HSD17B11: variants seen among roughly 807,000 people sequenced by gnomAD.
The protein encoded by HSD17B11 is hydroxysteroid 17-beta dehydrogenase 11.
A neutral mutation model predicts 27.8 loss-of-function variants in HSD17B11; 22 were observed. The observed-to-expected ratio is 0.79, with a 90% CI of 0.56 to 1.13. The LOEUF (loss-of-function observed/expected upper bound fraction) is 1.13. Ranked by LOEUF, HSD17B11 falls within the 50% of genes most tolerant of loss-of-function variation. The probability of loss-of-function intolerance (pLI) is 0.00; values close to 1 mark genes in which losing one functional copy is unlikely to be tolerated. For missense variants in HSD17B11, 314 were observed against 351.1 expected, an observed-to-expected ratio of 0.89 and a Z score of 0.84; for synonymous variants, 117 against 132.8, an observed-to-expected ratio of 0.88 and a Z score of 0.82.
intron 6 of HSD17B11, among the ~76,000 whole-genome samples, chr4:87,338,061 C>G (rs7660178): frequency 0.06 from 9,121 of 152,182 alleles, 878 homozygotes; most frequent in African/African-American, 0.21. Context: ...ACTAAAAATA[C>G]AAAAAATTAG....
At chr4:87,362,481 G>A (rs1336930668) in intron 4 of HSD17B11, among the ~76,000 whole-genome samples, 1 of 152,202 alleles carries the variant, frequency 6.6e-6, no homozygotes, top group Non-Finnish European at 1.5e-5. Context: ...AGCCGAGATT[G>A]TGCTGCTGCA....
intron 5 of HSD17B11, among the ~76,000 whole-genome samples, chr4:87,355,652 C>G (rs1441475645): frequency 6.6e-6 from 1 of 152,192 alleles, no homozygotes; most frequent in East Asian, 1.9e-4. Flanking sequence ...GCCTGTAATC[C>G]CAGCACTTTG....
chr4:87,337,920 T>C (rs1057314572), intron 6 of HSD17B11, among the ~76,000 whole-genome samples: 2 of 152,174 alleles, frequency 1.3e-5, no homozygotes, highest in Non-Finnish European at 2.9e-5. Flanking sequence ...TGTTACTATA[T>C]TAAATAAAAT....
chr4:87,379,315 A>C lies in HSD17B11; in HGVS notation c.318+2940T>G, dbSNP rs1378965001. Among the ~76,000 whole-genome samples, 4 of 151,174 alleles carry C rather than the reference A, an allele frequency of 2.6e-5. 1 individual carries two copies. In the East Asian group the frequency reaches 7.8e-4, roughly 30 times the overall value. On this transcript the variant is annotated intron_variant, in intron 2 of 6. Transcript: ENST00000358290. Reference sequence around the variant, plus strand: ...TCCAGCAGATATATTTCTATAAAGCATTATTTGCCTCTTCTAGATACAATT... The same window carrying C: ...TCCAGCAGATATATTTCTATAAAGCCTTATTTGCCTCTTCTAGATACAATT...
chr4:87,372,576 G>T, intron 4 of HSD17B11, 133 bp downstream of exon 4: 1 of 598,276 alleles, frequency 1.7e-6, no homozygotes. Context: ...CTTATTTTTT[G>T]ACAACTCTCA....
intron 2 of HSD17B11, among the ~76,000 whole-genome samples, chr4:87,376,536 CAAAA>C (rs1264740388): frequency 4.9e-5 from 6 of 121,312 alleles, no homozygotes; most frequent in African/African-American, 1.9e-4. Context: ...AAAAAACAAA[CAAAA>C]AACCCCCAAA....
intron 1 of HSD17B11, 80 bp downstream of exon 1, chr4:87,390,781 T>TA (rs1181800636): frequency 1.1e-5 from 14 of 1,250,652 alleles, no homozygotes; most frequent in Non-Finnish European, 1.5e-5. Flanking sequence ...AGAGATGAGG[T>TA]AAAGGGTGGT....
chr4:87,352,877 C>G (rs567357890), intron 5 of HSD17B11, among the ~76,000 whole-genome samples: 26 of 63,954 alleles, frequency 4.1e-4, no homozygotes, highest in South Asian at 1.5e-3. Flanking sequence ...GGGAGTGACC[C>G]GATTTTCCAG....
chr4:87,353,947 C>A (rs72875519), intron 5 of HSD17B11, among the ~76,000 whole-genome samples: 1 of 152,008 alleles, frequency 6.6e-6, no homozygotes, highest in African/African-American at 2.4e-5. Flanking sequence ...TCCTCAGATC[C>A]ATTTCCCAAC....
intron 4 of HSD17B11, among the ~76,000 whole-genome samples, chr4:87,363,240 G>A (rs1182445983): frequency 1.3e-5 from 2 of 152,110 alleles, no homozygotes; most frequent in African/African-American, 4.8e-5. Flanking sequence ...CCAGCAAAAG[G>A]CTAAGAATTT....
chr4:87,378,611 A>G (rs1283099180), intron 2 of HSD17B11, among the ~76,000 whole-genome samples: 1 of 150,560 alleles, frequency 6.6e-6, no homozygotes, highest in Non-Finnish European at 1.5e-5. Flanking sequence ...CAGTGCAACC[A>G]GAGTAGCCTA....
intron 5 of HSD17B11, among the ~76,000 whole-genome samples, chr4:87,343,506 C>CCACTTAAG (rs1429366242): frequency 4.0e-5 from 6 of 151,366 alleles, no homozygotes; most frequent in Non-Finnish European, 7.4e-5. Context: ...CCTACTTTAA[C>CCACTTAAG]CACTTAAGTA....
chr4:87,372,684 A>G (rs1478318958), intron 4 of HSD17B11, 25 bp downstream of exon 4: 1 of 1,394,878 alleles, frequency 7.2e-7, no homozygotes, highest in Admixed American at 1.7e-5. Flanking sequence ...ATAAGAACCA[A>G]TGAAGGAAAC....
rs1401496471 is a variant in HSD17B11, at chr4:87,390,906, T to C, written c.165A>G (p.Glu55=). 6.2e-7 allele frequency: 1 copy of C among 1,614,024 alleles called. No homozygotes were observed. Among genetic ancestry groups the C allele is most frequent in the Non-Finnish European group, 8.5e-7 (1 of 1,180,016 alleles). ...GHGIGRLTAY[E]FAKLKSKLVL... ...CCAGCTTGCTTTTAAGTTTAGCAAA[T>C]TCATAGGCAGTCAGTCTCCCAATTC... Residue 55 remains glutamate (E), a synonymous_variant, in exon 1 of 7, where the codon GAA becomes GAG. Transcript: ENST00000358290.
Position 87,337,289 on chromosome 4 carries a change from A to T in HSD17B11, c.890T>A (p.Met297Lys). The part of the protein sequence containing the change: ...VKFDAVIGYK[M>K]KAQ ...AAAACTAGGTGCTTATTGCGCTTTCATTTTATATCCAATAACTGCATCAAA... is the reference window on the plus strand; with the variant it reads ...AAAACTAGGTGCTTATTGCGCTTTCTTTTTATATCCAATAACTGCATCAAA... The change falls in exon 7 of 7, where the codon ATG (methionine) becomes AAG (lysine). Residue 297 changes from methionine to lysine, a missense_variant. Physicochemically the swap from Met to Lys is moderately conservative, Grantham distance 95. Coordinates refer to ENST00000358290, the MANE Select transcript of HSD17B11 (RefSeq NM_016245.5). 3 of 1,601,968 alleles carry T rather than the reference A, an allele frequency of 1.9e-6. No homozygotes were observed. Among genetic ancestry groups the T allele is most frequent in the Non-Finnish European group, 2.6e-6 (3 of 1,169,884 alleles).
chr4:87,345,328 C>T (rs1735250670), intron 5 of HSD17B11: 1 of 151,408 alleles, frequency 6.6e-6, no homozygotes, highest in South Asian at 2.1e-4. Flanking sequence ...TGCTCAGAGG[C>T]AAATTTATAG....
Position 87,343,908 on chromosome 4 carries a change from G to A in HSD17B11, c.696-3302C>T, listed in dbSNP as rs115878567. ...TTTCCTAATCTGAAAAATAAGGATA[G>A]TGCAGTGGTGCAGTGGCAAATGTTT... On this transcript the variant is annotated intron_variant, in intron 5 of 6. Transcript: ENST00000358290. 8.2e-3 allele frequency among the ~76,000 whole-genome samples: 1,252 copies of A among 152,244 alleles called. 12 individuals carry two copies. The highest frequency in any genetic ancestry group is 0.028 in the African/African-American group (1,175 of 41,534).
rs1412449161 is a variant in HSD17B11 at position 87,372,819 on chromosome 4, C to A, written c.451-4G>T. ...CAGGAAGAAATGCCTTTGTAGTCTA[C>A]AAATAGTTTTTATTAAAAGAGAAAA... is the stretch of plus-strand genomic sequence containing the variant. On this transcript the variant is annotated splice_polypyrimidine_tract_variant and splice_region_variant and intron_variant, in intron 3 of 6. Coordinates refer to ENST00000358290, the MANE Select transcript of HSD17B11 (RefSeq NM_016245.5). 1 of 1,570,218 alleles carries A rather than the reference C, an allele frequency of 6.4e-7. No homozygotes were observed.
intron 5 of HSD17B11, among the ~76,000 whole-genome samples, chr4:87,342,786 C>CA (rs149961306): frequency 0.014 from 2,171 of 152,038 alleles, 46 homozygotes; most frequent in African/African-American, 0.05. Context: ...GACCTTGAAG[C>CA]AATAGTATTA....
Sources: gnomAD v4.1 joint callset for allele counts (sites outside exome capture counted in the v4.1 genomes callset) on GRCh38, gnomAD v4.1.1 for gene constraint, MANE v1.5 for transcripts, NCBI Gene and HGNC (gene_info 2026-07-23, HGNC 2026-07-21) for gene names.